LRRC1: variants seen among roughly 807,000 people sequenced by gnomAD.
The protein encoded by LRRC1 is leucine rich repeat containing 1, also known as leucine-rich repeat-containing protein 1.
A neutral mutation model predicts 69.9 loss-of-function variants in LRRC1; 28 were observed. The ratio of observed to expected loss-of-function variants is 0.40; its 90% CI spans 0.30 to 0.55. The LOEUF is 0.55. LRRC1 is among the 20% of genes least tolerant of loss of function. The pLI is 0.47. For missense variants in LRRC1, 498 were observed against 609.0 expected (o/e 0.82, Z 1.92); for synonymous variants, 236 against 240.2 (o/e 0.98, Z 0.16).
At chr6:53,812,689 C>CAA (rs10580267) in intron 1 of LRRC1, among the ~76,000 whole-genome samples, 14 of 79,074 alleles carry the variant, frequency 1.8e-4, no homozygotes, top group South Asian at 4.8e-4. Context: ...GACTCCGTCT[C>CAA]AAAAAAAAAA....
At chr6:53,874,175 A>G (rs1338379595) in intron 2 of LRRC1, among the ~76,000 whole-genome samples, 2 of 152,202 alleles carry the variant, frequency 1.3e-5, no homozygotes, top group African/African-American at 2.4e-5. Flanking sequence ...TGGGTGAGTC[A>G]CTTCATCTCT....
chr6:53,917,622 T>A (rs997550040), intron 11 of LRRC1, among the ~76,000 whole-genome samples: 1 of 152,240 alleles, frequency 6.6e-6, no homozygotes, highest in Non-Finnish European at 1.5e-5. Context: ...ATCTGTGTTT[T>A]GTGCCAGTTT....
chr6:53,808,055 A>G (rs577932021), intron 1 of LRRC1, among the ~76,000 whole-genome samples: 32 of 152,196 alleles, frequency 2.1e-4, no homozygotes, highest in Non-Finnish European at 4.3e-4. Flanking sequence ...GGTTTTCATC[A>G]GTTGAAGTGT....
intron 4 of LRRC1, among the ~76,000 whole-genome samples, chr6:53,894,974 C>T (rs1767821230): frequency 6.6e-6 from 1 of 151,394 alleles, no homozygotes; most frequent in Non-Finnish European, 1.5e-5. Flanking sequence ...CTCTGTCGCC[C>T]AGGCGTGATC....
chr6:53,869,368 C>T lies in LRRC1; in HGVS notation c.278-9625C>T, dbSNP rs148410557. Among the ~76,000 whole-genome samples the T allele has an allele frequency of 3.4e-4, 52 of 152,236 alleles. No homozygotes were observed. The East Asian group carries it at 9.6e-3, about 28-fold the overall frequency. Reference sequence around the variant, plus strand: ...GGGGTATTGTGGTCAGGCTAGACCTCATTGAGAAGATTTTTTTTTCTTCAT... The same window carrying T: ...GGGGTATTGTGGTCAGGCTAGACCTTATTGAGAAGATTTTTTTTTCTTCAT... On this transcript the variant is annotated intron_variant, in intron 2 of 13. Coordinates refer to ENST00000370888, the MANE Select transcript of LRRC1 (RefSeq NM_018214.5).
chr6:53,875,633 G>A (rs536663044), intron 2 of LRRC1, among the ~76,000 whole-genome samples: 3 of 152,212 alleles, frequency 2.0e-5, no homozygotes, highest in Non-Finnish European at 4.4e-5. Context: ...GGAATACCTG[G>A]TACTGATACC....
At chr6:53,872,554 C>G (rs1355980185) in intron 2 of LRRC1, among the ~76,000 whole-genome samples, 1 of 151,806 alleles carries the variant, frequency 6.6e-6, no homozygotes, top group East Asian at 1.9e-4. Context: ...CTTTTGAAGT[C>G]AGGTAGTATG....
chr6:53,829,152 TA>T (rs1765355742), intron 1 of LRRC1, among the ~76,000 whole-genome samples: 1 of 152,212 alleles, frequency 6.6e-6, no homozygotes. Flanking sequence ...TTGCTCTTTA[TA>T]GTAGACATAC....
At chr6:53,867,295 C>G (rs1766732955) in intron 2 of LRRC1, among the ~76,000 whole-genome samples, 1 of 152,100 alleles carries the variant, frequency 6.6e-6, no homozygotes, top group South Asian at 2.1e-4. Context: ...GTTTTATGAT[C>G]AGGGTGGTAA....
chr6:53,795,716 A>T (rs1372791287), intron 1 of LRRC1, among the ~76,000 whole-genome samples: 1 of 152,164 alleles, frequency 6.6e-6, no homozygotes, highest in Non-Finnish European at 1.5e-5. Context: ...GACACCTGGC[A>T]CTTGTGCCCG....
rs1366870390 is a variant in LRRC1, at chr6:53,896,494, C to G, written c.447-4C>G. The G allele has an allele frequency of 3.1e-6, 5 of 1,611,790 alleles. No homozygotes were observed. In the South Asian group the frequency reaches 5.5e-5, roughly 18 times the overall value. The stretch of plus-strand genomic sequence containing the variant: ...TGCTTTTTTTTCCTTCTGTTCATTT[C>G]TAGTCTTTATAACCTGGCTTCACTG... On this transcript the variant is annotated splice_polypyrimidine_tract_variant and splice_region_variant and intron_variant, in intron 4 of 13. Transcript: ENST00000370888.
chr6:53,817,941 G>C (rs906369424), intron 1 of LRRC1, among the ~76,000 whole-genome samples: 2 of 152,206 alleles, frequency 1.3e-5, no homozygotes, highest in Non-Finnish European at 2.9e-5. Flanking sequence ...TGTATGATCA[G>C]CACTTTTTTT....
intron 1 of LRRC1, among the ~76,000 whole-genome samples, chr6:53,841,585 G>A (rs1407947180): frequency 6.6e-6 from 1 of 152,050 alleles, no homozygotes; most frequent in Non-Finnish European, 1.5e-5. Context: ...AGTCTGCCAT[G>A]GTTGATGGAA....
At chr6:53,899,250 A>G (rs959386524) in intron 7 of LRRC1, among the ~76,000 whole-genome samples, 17 of 152,178 alleles carry the variant, frequency 1.1e-4, no homozygotes, top group Admixed American at 1.0e-3. Context: ...ATAGGTATGT[A>G]TGTTCCGGTT....
chr6:53,888,669 G>C (rs771385795), intron 4 of LRRC1, among the ~76,000 whole-genome samples: 1 of 152,102 alleles, frequency 6.6e-6, no homozygotes, highest in Non-Finnish European at 1.5e-5. Flanking sequence ...ACATACAAAA[G>C]AATGAAGTTA....
At chr6:53,911,405 A>G (rs1446999584) in intron 10 of LRRC1, among the ~76,000 whole-genome samples, 3 of 152,228 alleles carry the variant, frequency 2.0e-5, no homozygotes, top group Admixed American at 6.5e-5. Flanking sequence ...CAAAACAGAT[A>G]TCTTACAGGT....
chr6:53,883,244 G>A (rs939441743), intron 4 of LRRC1, among the ~76,000 whole-genome samples: 1 of 152,164 alleles, frequency 6.6e-6, no homozygotes. Flanking sequence ...CTGATGTATG[G>A]CAAAGTAGTT....
At chr6:53,797,181 A>C (rs1164703186) in intron 1 of LRRC1, among the ~76,000 whole-genome samples, 2 of 152,044 alleles carry the variant, frequency 1.3e-5, no homozygotes, top group African/African-American at 4.8e-5. Flanking sequence ...GCCAAGCCGA[A>C]ATGTCAGGTC....
intron 4 of LRRC1, among the ~76,000 whole-genome samples, chr6:53,890,487 A>G (rs913866395): frequency 6.6e-6 from 1 of 152,060 alleles, no homozygotes; most frequent in Non-Finnish European, 1.5e-5. Context: ...GAACTAAGTG[A>G]TCCATGTGGC....
Sources: allele counts gnomAD v4.1 joint callset (sites outside exome capture counted in the v4.1 genomes callset), GRCh38; gene constraint gnomAD v4.1.1; transcripts MANE v1.5; gene names NCBI Gene and HGNC (gene_info 2026-07-23, HGNC 2026-07-21).